The following LIN54 variants were observed in gnomAD, a reference collection of about 807,000 sequenced individuals.
LIN54 encodes the protein protein lin-54 homolog.
A neutral mutation model predicts 78.7 loss-of-function variants in LIN54; 9 were observed. The ratio of observed to expected loss-of-function variants is 0.11; its 90% CI spans 0.07 to 0.20. The LOEUF is 0.20. Among genes scored for constraint, LIN54 ranks in the 10% least tolerant of loss-of-function variants. LIN54 has a pLI of 1.00. For missense variants in LIN54, 573 were observed against 889.9 expected, an observed-to-expected ratio of 0.64 and a Z score of 4.53; for synonymous variants, 269 against 318.4, an observed-to-expected ratio of 0.84 and a Z score of 1.65.
intron 1 of LIN54, among the ~76,000 whole-genome samples, chr4:82,995,397 T>C (rs1728107962): frequency 6.6e-6 from 1 of 151,458 alleles, no homozygotes; most frequent in South Asian, 2.1e-4. Context: ...CCAGAGTCTA[T>C]GTAATAGACA....
intron 3 of LIN54, among the ~76,000 whole-genome samples, chr4:82,971,076 G>C (rs1725610138): frequency 6.6e-6 from 1 of 152,152 alleles, no homozygotes; most frequent in Admixed American, 6.5e-5. Flanking sequence ...GTGTCTGGAT[G>C]CTTGGGGAAC....
At chr4:82,970,284 T>C in intron 4 of LIN54, 43 bp downstream of exon 4, 1 of 1,576,678 alleles carries the variant, frequency 6.3e-7, no homozygotes, top group Non-Finnish European at 8.6e-7. Flanking sequence ...AATAAAGGCA[T>C]CAACCACAAT....
At position 83,010,596 on chromosome 4, in the gene LIN54, G is replaced by A; in HGVS notation, c.-145C>T. On this transcript the variant is annotated 5_prime_UTR_variant, in exon 1 of 13. Transcript: ENST00000340417. ...GTTTTGCCCGTGCACGATAGCTCTG[G>A]CCAGCAGCTTCCTTTCCCAGTTTGT... The A allele has an allele frequency of 8.2e-7, 1 of 1,226,248 alleles. No homozygotes were observed. Among genetic ancestry groups the A allele is most frequent in the Non-Finnish European group, 1.0e-6 (1 of 984,476 alleles). 76.0% of individuals were successfully genotyped at this position (1,226,248 alleles called of 1,614,324 possible).
chr4:82,956,384 T>C (rs1303883311), intron 4 of LIN54, among the ~76,000 whole-genome samples: 1 of 149,236 alleles, frequency 6.7e-6, no homozygotes. Flanking sequence ...TTTTAAAATA[T>C]GGCAATAAGG....
intron 1 of LIN54, among the ~76,000 whole-genome samples, chr4:82,997,768 G>A (rs984033540): frequency 2.0e-5 from 3 of 151,084 alleles, no homozygotes; most frequent in African/African-American, 4.9e-5. Flanking sequence ...CAAGGAGGGC[G>A]GATCACCTGA....
intron 3 of LIN54, among the ~76,000 whole-genome samples, chr4:82,972,824 T>A (rs1294776264): frequency 6.6e-6 from 1 of 151,606 alleles, no homozygotes; most frequent in African/African-American, 2.4e-5. Context: ...CTACTAAAAC[T>A]ACAAAAATTA....
chr4:82,995,489 CTTTTTTT>C (rs749880882), intron 1 of LIN54, among the ~76,000 whole-genome samples: 3 of 76,346 alleles, frequency 3.9e-5, no homozygotes, highest in East Asian at 3.9e-4. Context: ...ATCCTTATCT[CTTTTTTT>C]TTTTTTTTTT....
rs1725530297 is a variant in LIN54, at chr4:82,970,247, T to C, written c.951+80A>G. On this transcript the variant is annotated intron_variant, in intron 4 of 12. Transcript: ENST00000340417. ...TACTTGCTTGGGAATGTACTAAAAT[T>C]GAAGTATCTGAAGTGACTAGTAAGA... 3 of 1,296,448 alleles carry C rather than the reference T, an allele frequency of 2.3e-6. No homozygotes were observed. In the South Asian group the frequency reaches 4.3e-5, roughly 19 times the overall value. 80.3% of individuals were successfully genotyped at this position (1,296,448 alleles called of 1,614,324 possible).
chr4:82,941,118 A>G (rs1482757950), intron 5 of LIN54, among the ~76,000 whole-genome samples: 1 of 147,378 alleles, frequency 6.8e-6, no homozygotes, highest in African/African-American at 2.5e-5. Flanking sequence ...ATTATTAAAG[A>G]AGATACATGA....
chr4:83,000,783 T>C (rs1449702505), intron 1 of LIN54, among the ~76,000 whole-genome samples: 1 of 150,718 alleles, frequency 6.6e-6, no homozygotes, highest in Non-Finnish European at 1.5e-5. Flanking sequence ...CCATCATTGT[T>C]ATAGACAAAG....
rs115057277 is a variant in LIN54 at position 82,996,232 on chromosome 4, C to A, written c.-32-11356G>T. On this transcript the variant is annotated intron_variant, in intron 1 of 12. Transcript: ENST00000340417. ...CTTAGGAATGGAAGCCATGTACTAG[C>A]ACATGCAACCTCATCGTCACTATGT... 3.3e-3 allele frequency among the ~76,000 whole-genome samples: 500 copies of A among 152,124 alleles called. 6 individuals carry two copies. The highest frequency in any genetic ancestry group is 0.011 in the African/African-American group (470 of 41,540).
At position 82,968,665 on chromosome 4, in the gene LIN54, G is replaced by C. The variant is rs531186514; in HGVS notation, c.951+1662C>G. ...CAGCCTAGAGATTCTGATTTAAATG[G>C]GGTCAGGTAGGGGCCTGCCATTAGT... On this transcript the variant is annotated intron_variant, in intron 4 of 12. Transcript: ENST00000340417. 7.2e-4 allele frequency among the ~76,000 whole-genome samples: 110 copies of C among 152,160 alleles called. 1 individual carries two copies. The highest frequency in any genetic ancestry group is 2.5e-3 in the African/African-American group (105 of 41,510).
At chr4:82,987,158 G>A (rs1449001651) in intron 1 of LIN54, among the ~76,000 whole-genome samples, 2 of 152,208 alleles carry the variant, frequency 1.3e-5, no homozygotes, top group African/African-American at 4.8e-5. Context: ...AGGCGTGGTG[G>A]TGGGTGCTTG....
intron 4 of LIN54, among the ~76,000 whole-genome samples, chr4:82,957,189 G>A (rs115397850): frequency 1.5e-3 from 222 of 152,248 alleles, no homozygotes; most frequent in African/African-American, 5.2e-3. Flanking sequence ...ATTTCCCCAA[G>A]TCTGTTCTCA....
In LIN54 at chr4:82,925,358, G is replaced by T. The variant is rs10005581; in HGVS notation, c.*2744C>A. 151,883 of 152,348 alleles carry T rather than the reference G, an allele frequency of 1. 75,709 individuals are homozygous for T. Among genetic ancestry groups the T allele is most frequent in the Non-Finnish European group, 1 (68,064 of 68,064 alleles). The allele number at this position is 152,348 out of a possible 1,614,324, so 9.4% of individuals were successfully genotyped here. A position where few individuals can be genotyped will look rare whatever the true frequency, so the allele number is the denominator to read the frequency against. ...GCAGGTGTGCGCCACCACACGCAGT[G>T]AATTTTTTTATATTTTTAGTAGAGA... On this transcript the variant is annotated 3_prime_UTR_variant, in exon 13 of 13. Coordinates refer to ENST00000340417, the MANE Select transcript of LIN54 (RefSeq NM_194282.4).
intron 1 of LIN54, among the ~76,000 whole-genome samples, chr4:83,008,930 T>G (rs1338051422): frequency 6.6e-6 from 1 of 152,202 alleles, no homozygotes; most frequent in Admixed American, 6.5e-5. Context: ...TAATTATTTT[T>G]AAAATTCTTA....
intron 3 of LIN54, 51 bp downstream of exon 3, chr4:82,978,832 A>T: frequency 8.4e-7 from 1 of 1,196,302 alleles, no homozygotes; most frequent in Non-Finnish European, 1.2e-6. Context: ...GCCTTTTTAA[A>T]TCTAAAAGGA....
rs141777235 is a variant in LIN54, at chr4:82,999,420, C to T, written c.-33+11064G>A. The stretch of plus-strand genomic sequence containing the variant: ...ATCACTGCAGTTACACCAGCAGATA[C>T]GAAAACCTTGCACTTTTAGCAAATT... On this transcript the variant is annotated intron_variant, in intron 1 of 12. Transcript: ENST00000340417. Among the ~76,000 whole-genome samples, 14 of 152,210 alleles carry T rather than the reference C, an allele frequency of 9.2e-5. No homozygotes were observed. In the East Asian group the frequency reaches 1.9e-3, roughly 21 times the overall value.
intron 2 of LIN54, among the ~76,000 whole-genome samples, chr4:82,981,104 T>TTTTCC (rs1463648556): frequency 6.6e-6 from 1 of 152,208 alleles, no homozygotes; most frequent in Non-Finnish European, 1.5e-5. Flanking sequence ...CAAAGATTAC[T>TTTTCC]TTAACAAGTT....
Sources: gnomAD v4.1 joint callset for allele counts (sites outside exome capture counted in the v4.1 genomes callset) on GRCh38, gnomAD v4.1.1 for gene constraint, MANE v1.5 for transcripts, NCBI Gene and HGNC (gene_info 2026-07-23, HGNC 2026-07-21) for gene names.